The following HYCC2 variants were observed in gnomAD, a reference collection of about 807,000 sequenced individuals.
The protein encoded by HYCC2 is hyccin PI4KA lipid kinase complex subunit 2.
the HYCC2 span, among the ~76,000 whole-genome samples, chr2:201,064,336 T>C: frequency 3.3e-4 from 50 of 152,306 alleles, no homozygotes; most frequent in African/African-American, 1.2e-3. Context: ...ATGCTGTTGA[T>C]TGCTAAATGT....
At chr2:201,002,382 G>A in the HYCC2 span, among the ~76,000 whole-genome samples, 13 of 151,826 alleles carry the variant, frequency 8.6e-5, no homozygotes, top group East Asian at 2.3e-3. Flanking sequence ...CTATCAGATT[G>A]GTAAAGATTA....
the HYCC2 span, among the ~76,000 whole-genome samples, chr2:201,019,569 G>A: frequency 6.6e-6 from 1 of 151,804 alleles, no homozygotes; most frequent in East Asian, 1.9e-4. Context: ...CCTGCACAAT[G>A]TGGCAAAACC....
chr2:201,058,568 G>A, the HYCC2 span, among the ~76,000 whole-genome samples: 18 of 152,260 alleles, frequency 1.2e-4, no homozygotes, highest in East Asian at 1.5e-3. Context: ...GCCAGGCATC[G>A]TGGCGCATGC....
the HYCC2 span, chr2:200,992,307 G>A: frequency 3.1e-6 from 5 of 1,610,616 alleles, no homozygotes; most frequent in East Asian, 4.5e-5. Context: ...AAAAGCTCTA[G>A]CTGGGCTCTA....
chr2:200,999,077 C>T, the HYCC2 span, among the ~76,000 whole-genome samples: 10 of 152,120 alleles, frequency 6.6e-5, no homozygotes, highest in East Asian at 1.9e-3. Flanking sequence ...TGAAATATAC[C>T]TGCCTAGATA....
the HYCC2 span, among the ~76,000 whole-genome samples, chr2:201,062,734 T>C: frequency 6.8e-6 from 1 of 147,950 alleles, no homozygotes; most frequent in African/African-American, 2.5e-5. Flanking sequence ...GGGAGGATCA[T>C]TTGAGTTCAG....
At chr2:201,069,991 T>C in the HYCC2 span, among the ~76,000 whole-genome samples, 7 of 152,178 alleles carry the variant, frequency 4.6e-5, no homozygotes, top group African/African-American at 1.7e-4. Flanking sequence ...TTGCTGACAC[T>C]ACATTAGACC....
chr2:200,988,248 G>T, the HYCC2 span: 1 of 1,597,328 alleles, frequency 6.3e-7, no homozygotes, highest in African/African-American at 1.3e-5. Flanking sequence ...GGACTATGGG[G>T]ATTTTGTACT....
At chr2:201,048,506 A>ATT in the HYCC2 span, among the ~76,000 whole-genome samples, 169 of 141,802 alleles carry the variant, frequency 1.2e-3, no homozygotes, top group African/African-American at 3.2e-3. Context: ...TTTTTTTGCA[A>ATT]TTTTTTTTTT....
the HYCC2 span, among the ~76,000 whole-genome samples, chr2:201,024,377 T>C: frequency 6.6e-6 from 1 of 151,968 alleles, no homozygotes; most frequent in Non-Finnish European, 1.5e-5. Context: ...CAGTCCTAGT[T>C]ACTTGGTACC....
the HYCC2 span, among the ~76,000 whole-genome samples, chr2:201,061,072 CAA>C: frequency 6.0e-5 from 8 of 133,814 alleles, no homozygotes; most frequent in African/African-American, 1.9e-4. Flanking sequence ...AATAGTTTAT[CAA>C]AAAAAAAAAG....
the HYCC2 span, among the ~76,000 whole-genome samples, chr2:201,001,696 C>CA: frequency 6.6e-6 from 1 of 151,098 alleles, no homozygotes. Flanking sequence ...TTTTTTGAGA[C>CA]AGAGTCTTGC....
At chr2:201,018,152 G>A in the HYCC2 span, among the ~76,000 whole-genome samples, 4 of 152,136 alleles carry the variant, frequency 2.6e-5, no homozygotes, top group East Asian at 7.7e-4. Context: ...TATGACTTAT[G>A]AGGAACTTCA....
chr2:201,068,354 A>G, the HYCC2 span, among the ~76,000 whole-genome samples: 1 of 152,140 alleles, frequency 6.6e-6, no homozygotes, highest in Non-Finnish European at 1.5e-5. Flanking sequence ...GAGCTATAAA[A>G]GTATTAGTAA....
the HYCC2 span, chr2:201,017,016 G>A: frequency 6.2e-7 from 1 of 1,613,288 alleles, no homozygotes; most frequent in Non-Finnish European, 8.5e-7. Flanking sequence ...TAACAGAAGT[G>A]CTTCAATGCA....
chr2:201,009,053 C>T, the HYCC2 span: 2 of 1,613,784 alleles, frequency 1.2e-6, no homozygotes, highest in East Asian at 4.5e-5. Context: ...GACACAATGC[C>T]CCTTCTGTCA....
the HYCC2 span, among the ~76,000 whole-genome samples, chr2:201,052,728 G>A: frequency 6.6e-6 from 1 of 152,222 alleles, no homozygotes; most frequent in Non-Finnish European, 1.5e-5. Context: ...CCAGGCTGCA[G>A]GGTAAGGAAG....
At chr2:201,017,211 T>C in the HYCC2 span, 2 of 1,505,684 alleles carry the variant, frequency 1.3e-6, no homozygotes, top group African/African-American at 1.4e-5. Flanking sequence ...TCAATTCTTT[T>C]GGTTGTAACT....
At chr2:201,004,701 C>G in the HYCC2 span, among the ~76,000 whole-genome samples, 1 of 152,106 alleles carries the variant, frequency 6.6e-6, no homozygotes, top group Admixed American at 6.6e-5. Context: ...ATTTTTGGAG[C>G]AAGAAACACA....
Sources: allele counts gnomAD v4.1 joint callset (sites outside exome capture counted in the v4.1 genomes callset), GRCh38; gene constraint gnomAD v4.1.1; transcripts MANE v1.5; gene names NCBI Gene and HGNC (gene_info 2026-07-23, HGNC 2026-07-21).